LANCL1: variants seen among roughly 807,000 people sequenced by gnomAD.
LANCL1 encodes the protein glutathione S-transferase LANCL1.
Under a neutral mutation model 50.6 loss-of-function variants are expected in LANCL1, and 50 were observed. The observed-to-expected ratio is 0.99, with a 90% CI of 0.79 to 1.25. LANCL1 has a LOEUF of 1.25. Ranked by LOEUF, LANCL1 falls within the 50% of genes most tolerant of loss-of-function variation. The probability of loss-of-function intolerance (pLI) is 0.00; values close to 1 mark genes in which losing one functional copy is unlikely to be tolerated. For missense variants in LANCL1, 532 were observed against 480.7 expected (o/e 1.11, Z -1.00); for synonymous variants, 188 against 178.6 (o/e 1.05, Z -0.42).
intron 3 of LANCL1, chr2:210,469,231 C>T (rs946456412): frequency 4.6e-5 from 7 of 152,094 alleles, no homozygotes; most frequent in Non-Finnish European, 8.8e-5. Context: ...GGTAATAAAA[C>T]GGCAGTTATG....
chr2:210,454,985 G>C, intron 4 of LANCL1, 122 bp downstream of exon 4: 1 of 736,806 alleles, frequency 1.4e-6, no homozygotes. Flanking sequence ...TTGATCAAAT[G>C]ACAGCAGTGA....
chr2:210,470,559 C>T (rs947443388), intron 3 of LANCL1, among the ~76,000 whole-genome samples: 12 of 152,268 alleles, frequency 7.9e-5, no homozygotes, highest in Non-Finnish European at 1.3e-4. Context: ...ATCTGAACAT[C>T]GGTAATCCTA....
intron 3 of LANCL1, among the ~76,000 whole-genome samples, chr2:210,462,740 G>A (rs147718652): frequency 2.1e-4 from 32 of 152,036 alleles, no homozygotes; most frequent in African/African-American, 7.7e-4. Flanking sequence ...GTCTTCTCAG[G>A]GTTTATGTCC....
intron 2 of LANCL1, among the ~76,000 whole-genome samples, chr2:210,475,979 G>T (rs1199519242): frequency 6.6e-6 from 1 of 152,064 alleles, no homozygotes; most frequent in Admixed American, 6.5e-5. Flanking sequence ...CGGCACATGT[G>T]AATACCGTTA....
intron 3 of LANCL1, among the ~76,000 whole-genome samples, chr2:210,463,058 A>G (rs371477405): frequency 7.1e-4 from 108 of 152,314 alleles, no homozygotes; most frequent in African/African-American, 2.4e-3. Context: ...CTCATAGGGT[A>G]AAGAGCAGGA....
rs1692788662 is a variant in LANCL1 at position 210,432,705 on chromosome 2, A to G, written c.*1782T>C. On this transcript the variant is annotated 3_prime_UTR_variant, in exon 10 of 10. Coordinates refer to ENST00000450366, the MANE Select transcript of LANCL1 (RefSeq NM_006055.3). ...TGAGCTTTATTCTTTCAAGCTGAACACCCCAGGCAAAGGCAAATTAGCTTT... is the reference window on the plus strand; with the variant it reads ...TGAGCTTTATTCTTTCAAGCTGAACGCCCCAGGCAAAGGCAAATTAGCTTT... The G allele has an allele frequency of 6.6e-6, 1 of 152,176 alleles. No homozygotes were observed. Among genetic ancestry groups the G allele is most frequent in the South Asian group, 2.1e-4 (1 of 4,824 alleles). The allele number at this position is 152,176 out of a possible 1,614,324, so 9.4% of individuals were successfully genotyped here.
chr2:210,440,854 C>G, intron 5 of LANCL1, 110 bp from the exon 6 acceptor site: 1 of 913,126 alleles, frequency 1.1e-6, no homozygotes, highest in Non-Finnish European at 1.6e-6. Flanking sequence ...AAATTAGACA[C>G]CAGCTTATAG....
At chr2:210,440,840 T>G in intron 5 of LANCL1, 96 bp from the exon 6 acceptor site, 1 of 1,099,074 alleles carries the variant, frequency 9.1e-7, no homozygotes, top group Non-Finnish European at 1.3e-6. Flanking sequence ...CTGGGGAACA[T>G]GACAAATTAG....
rs1406981557 is a variant in LANCL1, at chr2:210,434,292, C to T, written c.*195G>A. ...AGAAATGGAAATTAAAGTTAAAAGA[C>T]TTCCTTGGATACTTCTAAGTAAAAG... On this transcript the variant is annotated 3_prime_UTR_variant, in exon 10 of 10. Coordinates refer to ENST00000450366, the MANE Select transcript of LANCL1 (RefSeq NM_006055.3). The T allele has an allele frequency of 2.0e-6, 1 of 509,770 alleles. No individual in the cohort carries two copies. Among genetic ancestry groups the T allele is most frequent in the Admixed American group, 3.7e-5 (1 of 26,910 alleles). The allele number at this position is 509,770 out of a possible 1,614,324, so 31.6% of individuals were successfully genotyped here.
At chr2:210,464,937 C>G (rs1209091867) in intron 3 of LANCL1, among the ~76,000 whole-genome samples, 1 of 139,822 alleles carries the variant, frequency 7.2e-6, no homozygotes, top group Admixed American at 7.1e-5. Context: ...CTGCAGTCCG[C>G]AGTTCGGCCT....
intron 7 of LANCL1, 77 bp from the exon 8 acceptor site, chr2:210,436,469 G>T: frequency 7.3e-7 from 1 of 1,377,180 alleles, no homozygotes; most frequent in Non-Finnish European, 1.0e-6. Flanking sequence ...TGATAGATAA[G>T]AAGGAAAGAG....
chr2:210,439,823 G>C (rs1302225178), intron 6 of LANCL1, among the ~76,000 whole-genome samples: 2 of 152,168 alleles, frequency 1.3e-5, no homozygotes, highest in Non-Finnish European at 2.9e-5. Context: ...ACACGTTAAT[G>C]AAACACTTTT....
intron 2 of LANCL1, among the ~76,000 whole-genome samples, chr2:210,474,896 G>A (rs926429805): frequency 8.5e-5 from 13 of 152,090 alleles, no homozygotes; most frequent in Admixed American, 7.2e-4. Context: ...TCCTCCTCCC[G>A]CAAGACAAGA....
intron 6 of LANCL1, among the ~76,000 whole-genome samples, chr2:210,438,683 A>G (rs1693023956): frequency 6.6e-6 from 1 of 152,240 alleles, no homozygotes; most frequent in African/African-American, 2.4e-5. Context: ...CCTGGAATCT[A>G]GATTCCAAAC....
intron 8 of LANCL1, 66 bp from the exon 9 acceptor site, chr2:210,435,525 G>C: frequency 8.3e-7 from 1 of 1,208,644 alleles, no homozygotes; most frequent in East Asian, 2.3e-5. Context: ...AAAGTTAAGA[G>C]GTTGTCTATA....
intron 1 of LANCL1, 85 bp downstream of exon 1, chr2:210,476,535 G>A: frequency 1.4e-6 from 2 of 1,410,674 alleles, no homozygotes; most frequent in Non-Finnish European, 1.9e-6. Flanking sequence ...CCGTCTCGGC[G>A]GTCCGAGTGG....
chr2:210,455,855 C>A (rs1693660052), intron 3 of LANCL1, among the ~76,000 whole-genome samples: 1 of 144,696 alleles, frequency 6.9e-6, no homozygotes, highest in Non-Finnish European at 1.5e-5. Flanking sequence ...GTAACCAAAT[C>A]CCCTGCCCCA....
intron 3 of LANCL1, among the ~76,000 whole-genome samples, chr2:210,461,195 G>A (rs370739954): frequency 1.1e-4 from 16 of 151,952 alleles, no homozygotes; most frequent in African/African-American, 3.6e-4. Context: ...CAATGGTGGT[G>A]TCTAAACTCC....
At chr2:210,437,637 A>G (rs1301842192) in intron 7 of LANCL1, 53 bp downstream of exon 7, 1 of 1,127,878 alleles carries the variant, frequency 8.9e-7, no homozygotes, top group South Asian at 2.2e-5. Context: ...CTAATTTTAA[A>G]TTATAAATTT....
Sources: allele counts gnomAD v4.1 joint callset (sites outside exome capture counted in the v4.1 genomes callset), GRCh38; gene constraint gnomAD v4.1.1; transcripts MANE v1.5; gene names NCBI Gene and HGNC (gene_info 2026-07-23, HGNC 2026-07-21).